Variants in NPAS3 observed in about 807,000 individuals in gnomAD.
NPAS3 encodes the protein neuronal PAS domain-containing protein 3.
Under a neutral mutation model 73.1 loss-of-function variants are expected in NPAS3, and 14 were observed. That is an observed-to-expected ratio of 0.19 (90% CI 0.13 to 0.30). The LOEUF is 0.30. NPAS3 is among the 10% of genes least tolerant of loss of function. The pLI, the probability that NPAS3 is intolerant of heterozygous loss-of-function variation, is 1.00. For missense variants in NPAS3, 1,096 were observed against 1,250.0 expected, an observed-to-expected ratio of 0.88 and a Z score of 1.86; for synonymous variants, 620 against 541.5, an observed-to-expected ratio of 1.14 and a Z score of -2.01.
At chr14:33,128,819 C>T (rs911607184) in intron 2 of NPAS3, among the ~76,000 whole-genome samples, 2 of 152,074 alleles carry the variant, frequency 1.3e-5, no homozygotes, top group African/African-American at 4.8e-5. Flanking sequence ...ACACATAATG[C>T]CCTTTCCAAC....
chr14:33,499,916 C>G (rs1218711751), intron 4 of NPAS3, among the ~76,000 whole-genome samples: 1 of 151,908 alleles, frequency 6.6e-6, no homozygotes, highest in Non-Finnish European at 1.5e-5. Flanking sequence ...TTCTTTTTCT[C>G]CTCTGCGCAA....
chr14:33,646,272 T>C (rs1455277241), intron 5 of NPAS3, among the ~76,000 whole-genome samples: 2 of 152,218 alleles, frequency 1.3e-5, no homozygotes, highest in African/African-American at 2.4e-5. Context: ...TGGAACATGA[T>C]ATCATATGTA....
intron 1 of NPAS3, among the ~76,000 whole-genome samples, chr14:32,990,773 A>G (rs1163945795): frequency 1.3e-4 from 19 of 151,960 alleles, no homozygotes. Flanking sequence ...AAAAAAATTT[A>G]AAAAATAATC....
At chr14:33,782,832 G>A (rs11628366) in intron 9 of NPAS3, among the ~76,000 whole-genome samples, 7,922 of 148,366 alleles carry the variant, frequency 0.053, 349 homozygotes, top group African/African-American at 0.12. Context: ...TTAAAAAAAA[G>A]AAAAAAACAG....
At chr14:33,783,866 A>G (rs1418838913) in intron 9 of NPAS3, among the ~76,000 whole-genome samples, 3 of 152,232 alleles carry the variant, frequency 2.0e-5, no homozygotes, top group Non-Finnish European at 4.4e-5. Context: ...TGAAAAGTAC[A>G]GACCATACTA....
At chr14:33,755,350 T>C (rs2062083547) in intron 7 of NPAS3, among the ~76,000 whole-genome samples, 3 of 152,224 alleles carry the variant, frequency 2.0e-5, no homozygotes, top group African/African-American at 7.2e-5. Flanking sequence ...CTATTATTGG[T>C]ACATTTATTT....
At chr14:33,241,302 C>T (rs1198501008) in intron 3 of NPAS3, among the ~76,000 whole-genome samples, 1 of 151,912 alleles carries the variant, frequency 6.6e-6, no homozygotes, top group African/African-American at 2.4e-5. Flanking sequence ...GAGATATTAT[C>T]ACTATAAGAT....
rs181572465 is a variant in NPAS3, at chr14:33,478,440, G to A, written c.469-81681G>A. Among the ~76,000 whole-genome samples the A allele has an allele frequency of 5.3e-3, 814 of 152,268 alleles. 1 individual carries two copies. Among genetic ancestry groups the A allele is most frequent in the Non-Finnish European group, 8.6e-3 (585 of 68,018 alleles). ...TACAACCAACCATTCTTAGTCCCCA[G>A]AAGCCTTAGCGATAAGCTCCTGGTA... On this transcript the variant is annotated intron_variant, in intron 4 of 11. Coordinates refer to ENST00000356141, the Ensembl canonical transcript of NPAS3.
At chr14:33,059,523 C>G (rs1346629057) in intron 2 of NPAS3, among the ~76,000 whole-genome samples, 1 of 152,092 alleles carries the variant, frequency 6.6e-6, no homozygotes, top group Admixed American at 6.5e-5. Flanking sequence ...AAATATTTTA[C>G]AAATTGTATC....
intron 5 of NPAS3, among the ~76,000 whole-genome samples, chr14:33,658,013 C>G (rs74042364): frequency 0.02 from 3,002 of 152,344 alleles, 104 homozygotes; most frequent in African/African-American, 0.068. Context: ...ACACTCCTTT[C>G]CCGCCTCTCA....
intron 3 of NPAS3, among the ~76,000 whole-genome samples, chr14:33,271,033 G>A (rs2041052040): frequency 1.3e-5 from 2 of 152,202 alleles, no homozygotes; most frequent in Admixed American, 1.3e-4. Flanking sequence ...ATGACTATGG[G>A]AACCTTTAGA....
chr14:33,739,155 G>C (rs559941064), intron 7 of NPAS3, among the ~76,000 whole-genome samples: 1 of 152,140 alleles, frequency 6.6e-6, no homozygotes, highest in African/African-American at 2.4e-5. Context: ...TATAATGCTC[G>C]GAGTGTCTTC....
chr14:33,195,454 A>G (rs2046318998), intron 2 of NPAS3, among the ~76,000 whole-genome samples: 1 of 152,074 alleles, frequency 6.6e-6, no homozygotes, highest in Admixed American at 6.5e-5. Flanking sequence ...TATTTTTAGT[A>G]GAGACAGGTT....
intron 5 of NPAS3, among the ~76,000 whole-genome samples, chr14:33,643,887 AT>A (rs969540865): frequency 8.0e-4 from 120 of 150,126 alleles, no homozygotes; most frequent in East Asian, 4.1e-3. Context: ...TGGGGAGAAG[AT>A]TTTTTTTTTA....
rs1426963710 is a variant in NPAS3, at chr14:33,764,258, A to T, written c.853-10079A>T. Among the ~76,000 whole-genome samples, 6 of 152,114 alleles carry T rather than the reference A, an allele frequency of 3.9e-5. No individual in the cohort carries two copies. In the South Asian group the frequency reaches 8.3e-4, roughly 21 times the overall value. On this transcript the variant is annotated intron_variant, in intron 7 of 11. Coordinates refer to ENST00000356141, the Ensembl canonical transcript of NPAS3. ...GCGGAGGGGTACACGGCTGTCTTTGAATATATGTTGCATTTATTGCAGTTT... is the reference window on the plus strand; with the variant it reads ...GCGGAGGGGTACACGGCTGTCTTTGTATATATGTTGCATTTATTGCAGTTT...
At chr14:33,110,780 G>C (rs1420662576) in intron 2 of NPAS3, among the ~76,000 whole-genome samples, 3 of 140,680 alleles carry the variant, frequency 2.1e-5, no homozygotes, top group Non-Finnish European at 3.2e-5. Flanking sequence ...GTTCAGTCCG[G>C]GGACGGGAAC....
chr14:33,290,340 A>C (rs1309750201), intron 3 of NPAS3, among the ~76,000 whole-genome samples: 1 of 152,232 alleles, frequency 6.6e-6, no homozygotes, highest in Non-Finnish European at 1.5e-5. Context: ...TATCCCAAAC[A>C]GGGGTTATTA....
At chr14:33,733,748 G>T (rs1274992085) in intron 6 of NPAS3, among the ~76,000 whole-genome samples, 1 of 152,016 alleles carries the variant, frequency 6.6e-6, no homozygotes, top group Non-Finnish European at 1.5e-5. Flanking sequence ...CATTTAAAAT[G>T]ACATCAGATT....
At chr14:32,983,902 A>G (rs2037997287) in intron 1 of NPAS3, among the ~76,000 whole-genome samples, 1 of 152,078 alleles carries the variant, frequency 6.6e-6, no homozygotes. Flanking sequence ...TTGTGTGTTT[A>G]GTAGAGATGG....
Sources: allele counts gnomAD v4.1 joint callset (sites outside exome capture counted in the v4.1 genomes callset), GRCh38; gene constraint gnomAD v4.1.1; transcripts MANE v1.5; gene names NCBI Gene and HGNC (gene_info 2026-07-23, HGNC 2026-07-21).